Variants in EPHA6 observed in about 807,000 individuals in gnomAD.
EPHA6 encodes the protein EPH receptor A6.
EPHA6 carries 50 observed loss-of-function variants against 112.0 expected under a neutral mutation model. The observed-to-expected ratio is 0.45, with a 90% CI of 0.36 to 0.56. EPHA6 has a LOEUF of 0.56. EPHA6 is among the 20% of genes least tolerant of loss of function. The pLI, the probability that EPHA6 is intolerant of heterozygous loss-of-function variation, is 0.00. For synonymous variants in EPHA6, 529 were observed against 490.7 expected (o/e 1.08, Z -1.03); for missense variants, 1,280 against 1,417.4 (o/e 0.90, Z 1.56).
At position 96,935,761 on chromosome 3, in the gene EPHA6, ATG is replaced by A. The variant is rs141358511; in HGVS notation, c.451-51555_451-51554del. ...TAATATATATGCACACATTATATAT[ATG>A]TGTGTGTGTGTGTAGTCCTAAGGAT... On this transcript the variant is annotated intron_variant, in intron 2 of 17. Coordinates refer to ENST00000389672, the MANE Select transcript of EPHA6 (RefSeq NM_001080448.3). Among the ~76,000 whole-genome samples, 17 of 147,856 alleles carry A rather than the reference ATG, an allele frequency of 1.1e-4. No individual in the cohort carries two copies. The South Asian group carries it at 2.3e-3, about 20-fold the overall frequency.
intron 5 of EPHA6, among the ~76,000 whole-genome samples, chr3:97,334,078 G>A (rs1043381252): frequency 1.1e-4 from 17 of 151,316 alleles, no homozygotes; most frequent in East Asian, 7.8e-4. Flanking sequence ...TTATTTTTTC[G>A]CTTGTTGATA....
At chr3:97,170,210 G>A (rs1210972114) in intron 3 of EPHA6, among the ~76,000 whole-genome samples, 1 of 152,024 alleles carries the variant, frequency 6.6e-6, no homozygotes, top group Non-Finnish European at 1.5e-5. Flanking sequence ...TTGAGGAGGG[G>A]AACTTAAATT....
At chr3:96,936,484 T>G (rs2040588409) in intron 2 of EPHA6, among the ~76,000 whole-genome samples, 1 of 152,002 alleles carries the variant, frequency 6.6e-6, no homozygotes, top group African/African-American at 2.4e-5. Context: ...AGCTCTTTTG[T>G]GTATATTATA....
intron 5 of EPHA6, among the ~76,000 whole-genome samples, chr3:97,335,016 G>A (rs755026939): frequency 1.3e-5 from 2 of 152,110 alleles, no homozygotes; most frequent in Non-Finnish European, 2.9e-5. Context: ...AGTTCAGGCT[G>A]TAATAACAAA....
intron 3 of EPHA6, among the ~76,000 whole-genome samples, chr3:97,176,096 G>A (rs1372871362): frequency 6.6e-6 from 1 of 151,634 alleles, no homozygotes; most frequent in African/African-American, 2.4e-5. Flanking sequence ...AGTTTTTTGA[G>A]GATTTTTATC....
At chr3:96,956,113 C>T (rs1576162863) in intron 2 of EPHA6, among the ~76,000 whole-genome samples, 1 of 152,066 alleles carries the variant, frequency 6.6e-6, no homozygotes, top group African/African-American at 2.4e-5. Context: ...GTAAAAAGAA[C>T]ATGAGACGAA....
At chr3:97,427,721 A>C (rs1224228150) in intron 6 of EPHA6, among the ~76,000 whole-genome samples, 1 of 152,166 alleles carries the variant, frequency 6.6e-6, no homozygotes, top group South Asian at 2.1e-4. Context: ...TACACCATGG[A>C]ATATGATGCA....
chr3:97,002,646 T>C (rs1236902334), intron 3 of EPHA6, among the ~76,000 whole-genome samples: 2 of 151,926 alleles, frequency 1.3e-5, no homozygotes, highest in African/African-American at 2.4e-5. Flanking sequence ...AGTATAAATA[T>C]GTTTTGAGTG....
intron 5 of EPHA6, among the ~76,000 whole-genome samples, chr3:97,361,352 A>G (rs2084363957): frequency 6.6e-6 from 1 of 152,220 alleles, no homozygotes; most frequent in African/African-American, 2.4e-5. Flanking sequence ...TTTTTAACAC[A>G]CAGATGTAAA....
chr3:97,084,983 G>A (rs2046848405), intron 3 of EPHA6, among the ~76,000 whole-genome samples: 1 of 152,130 alleles, frequency 6.6e-6, no homozygotes, highest in South Asian at 2.1e-4. Flanking sequence ...TACATAGTTT[G>A]ATTACACAGA....
At chr3:97,439,963 C>A (rs565535469) in intron 6 of EPHA6, among the ~76,000 whole-genome samples, 3 of 152,186 alleles carry the variant, frequency 2.0e-5, no homozygotes, top group African/African-American at 7.2e-5. Flanking sequence ...TTTAGCGATT[C>A]CTTTGTGGAT....
intron 6 of EPHA6, among the ~76,000 whole-genome samples, chr3:97,421,778 T>C (rs2107187654): frequency 6.6e-6 from 1 of 152,244 alleles, no homozygotes; most frequent in East Asian, 1.9e-4. Flanking sequence ...GCAAGACCAA[T>C]GTATTGTAAC....
At chr3:97,173,472 G>A (rs936018382) in intron 3 of EPHA6, among the ~76,000 whole-genome samples, 1 of 151,764 alleles carries the variant, frequency 6.6e-6, no homozygotes, top group African/African-American at 2.4e-5. Flanking sequence ...TTAGATTCTA[G>A]TCCTAAAATA....
At chr3:97,121,410 G>A (rs1026811710) in intron 3 of EPHA6, among the ~76,000 whole-genome samples, 1 of 152,052 alleles carries the variant, frequency 6.6e-6, no homozygotes, top group Non-Finnish European at 1.5e-5. Context: ...GTAGGTGGAA[G>A]TTTTATTTTC....
rs2082242743 is a variant in EPHA6, at chr3:97,323,964, A to G, written c.1606+79677A>G. On this transcript the variant is annotated intron_variant, in intron 5 of 17. Transcript: ENST00000389672. ...CAGTTCTCATGTACTTAGTCTATGA[A>G]TTGAAGCAATTTTTCTCTTTAAAAA... Among the ~76,000 whole-genome samples the G allele has an allele frequency of 2.0e-5, 3 of 152,092 alleles. 1 individual carries two copies. Among genetic ancestry groups the G allele is most frequent in the Admixed American group, 1.3e-4 (2 of 15,260 alleles).
chr3:97,539,860 A>T (rs2092824291), intron 11 of EPHA6, among the ~76,000 whole-genome samples: 1 of 152,190 alleles, frequency 6.6e-6, no homozygotes, highest in South Asian at 2.1e-4. Flanking sequence ...ATGCTTGTGA[A>T]TGCTTGAAGT....
rs141920274 is a variant in EPHA6 at position 97,412,377 on chromosome 3, C to A, written c.1731+7103C>A. Among the ~76,000 whole-genome samples, 921 of 152,148 alleles carry A rather than the reference C, an allele frequency of 6.1e-3. 12 individuals are homozygous for A. The highest frequency in any genetic ancestry group is 0.02 in the African/African-American group (847 of 41,540). On this transcript the variant is annotated intron_variant, in intron 6 of 17. Coordinates refer to ENST00000389672, the MANE Select transcript of EPHA6 (RefSeq NM_001080448.3). ...TAAATTCAGTTTCACATTCTAACCT[C>A]ATATTCAGTTGCTTCCATATTCCTA...
chr3:97,525,681 T>C (rs1577666913), intron 10 of EPHA6, among the ~76,000 whole-genome samples: 1 of 152,176 alleles, frequency 6.6e-6, no homozygotes, highest in Non-Finnish European at 1.5e-5. Context: ...TTGATGAGAT[T>C]ACCTCTGGGC....
intron 2 of EPHA6, among the ~76,000 whole-genome samples, chr3:96,938,229 C>T (rs936123400): frequency 6.6e-6 from 1 of 152,140 alleles, no homozygotes; most frequent in Admixed American, 6.5e-5. Flanking sequence ...ATTGATTCTT[C>T]CAACCCATGA....
Sources: allele counts gnomAD v4.1 joint callset (sites outside exome capture counted in the v4.1 genomes callset), GRCh38; gene constraint gnomAD v4.1.1; transcripts MANE v1.5; gene names NCBI Gene and HGNC (gene_info 2026-07-23, HGNC 2026-07-21).